The following CBX6 variants were observed in gnomAD, a reference collection of about 807,000 sequenced individuals.
The protein encoded by CBX6 is chromobox 6, also known as chromobox protein homolog 6.
CBX6 carries 7 observed loss-of-function variants against 28.4 expected under a neutral mutation model. The observed-to-expected ratio is 0.25, with a 90% CI of 0.14 to 0.46. The LOEUF (loss-of-function observed/expected upper bound fraction) is 0.46. Ranked by LOEUF, CBX6 falls within the 20% of genes least tolerant of loss-of-function variation. The pLI, the probability that CBX6 is intolerant of heterozygous loss-of-function variation, is 0.99. For missense variants in CBX6, 512 were observed against 606.1 expected (o/e 0.84, Z 1.63); for synonymous variants, 297 against 273.4 (o/e 1.09, Z -0.85).
At chr22:38,869,752 A>T (rs1382520978) in intron 4 of CBX6, 1 of 151,742 alleles carries the variant, frequency 6.6e-6, no homozygotes, top group Non-Finnish European at 1.5e-5. Context: ...AAGCACCTGA[A>T]CTCTACCATG....
Position 38,865,541 on chromosome 22 carries a change from G to A in CBX6, c.*668C>T, listed in dbSNP as rs557028863. ...AGAACTGAAGGGGCCTTTAGATGCG[G>A]GGAGGCTGTGGCCAGGCGCACCCTC... On this transcript the variant is annotated 3_prime_UTR_variant, in exon 5 of 5. Transcript: ENST00000407418. 5.9e-5 allele frequency: 9 copies of A among 153,060 alleles called. No homozygotes were observed. Among genetic ancestry groups the A allele is most frequent in the African/African-American group, 2.2e-4 (9 of 41,602 alleles). 9.5% of individuals were successfully genotyped at this position (153,060 alleles called of 1,614,324 possible). A position where few individuals can be genotyped will look rare whatever the true frequency, so the allele number is the denominator to read the frequency against.
rs74653710 is a variant in CBX6 at position 38,862,738 on chromosome 22, C to T, written c.*3471G>A. ...GGCTGACCCTCCAGCCTTGGGCGGGCCCACCGGCCTGGCTCTCCTCCAGGA... is the reference window on the plus strand; with the variant it reads ...GGCTGACCCTCCAGCCTTGGGCGGGTCCACCGGCCTGGCTCTCCTCCAGGA... On this transcript the variant is annotated 3_prime_UTR_variant, in exon 5 of 5. Coordinates refer to ENST00000407418, the MANE Select transcript of CBX6 (RefSeq NM_014292.5). 4,741 of 152,282 alleles carry T rather than the reference C, an allele frequency of 0.031. 99 individuals carry two copies. The highest frequency in any genetic ancestry group is 0.084 in the East Asian group (434 of 5,148). 9.4% of individuals were successfully genotyped at this position (152,282 alleles called of 1,614,324 possible). A position where few individuals can be genotyped will look rare whatever the true frequency, so the allele number is the denominator to read the frequency against.
In CBX6 at chr22:38,863,858, A is replaced by G. The variant is rs948631238; in HGVS notation, c.*2351T>C. ...GCGGTGGTGGGGACCAGATGGCCCA[A>G]CAACTGGGAAAGGAACAGAAGGGGG... On this transcript the variant is annotated 3_prime_UTR_variant, in exon 5 of 5. Transcript: ENST00000407418. 2 of 152,410 alleles carry G rather than the reference A, an allele frequency of 1.3e-5. No homozygotes were observed. The highest frequency in any genetic ancestry group is 3.9e-4 in the East Asian group (2 of 5,178). The allele number at this position is 152,410 out of a possible 1,614,324, so 9.4% of individuals were successfully genotyped here.
intron 4 of CBX6, 27 bp from the exon 5 acceptor site, chr22:38,867,228 G>T (rs1486789966): frequency 1.4e-4 from 73 of 518,822 alleles, no homozygotes; most frequent in Non-Finnish European, 2.2e-4. Context: ...GGGTGGGTGG[G>T]ACCTCAGGAC....
At position 38,866,684 on chromosome 22, in the gene CBX6, G is replaced by A. The variant is rs1391580875; in HGVS notation, c.764C>T (p.Pro255Leu). The change falls in exon 5 of 5, where the codon CCG becomes CTG. Residue 255 changes from proline to leucine, a missense_variant. Transcript: ENST00000407418. This position sits in a 1 kb window ranked among gnomAD's most constrained non-coding sequence, Gnocchi z 7.5. ...GGCGGCCAGAAGTAGCCCAGGGCCC[G>A]GGGCTGAGGCCTCAGCCTTGCCGGG... ...PSPGKAEASA[P>L]GPGLLLAAPA... is the part of the protein sequence containing the mutation. The A allele has an allele frequency of 2.6e-6, 4 of 1,553,072 alleles. No individual in the cohort carries two copies. Among genetic ancestry groups the A allele is most frequent in the East Asian group, 2.3e-5 (1 of 44,134 alleles).
At position 38,867,134 on chromosome 22, in the gene CBX6, G is replaced by A; in HGVS notation, c.314C>T (p.Ala105Val). 1 of 1,573,720 alleles carries A rather than the reference G, an allele frequency of 6.4e-7. No homozygotes were observed. The highest frequency in any genetic ancestry group is 8.6e-7 in the Non-Finnish European group (1 of 1,162,894). ...VHFSVKPSAS[A>V]SSPKLHSSAA... Reference sequence around the variant, plus strand: ...GCTGGAGTGCAGCTTGGGCGAGGAGGCACTGGCGCTCGGCTTGACAGAGAA... The same window carrying A: ...GCTGGAGTGCAGCTTGGGCGAGGAGACACTGGCGCTCGGCTTGACAGAGAA... The change falls in exon 5 of 5, where the codon GCC becomes GTC. Residue 105 changes from alanine (A) to valine (V), a missense_variant. Transcript: ENST00000407418.
chr22:38,869,347 A>T (rs969983451), intron 4 of CBX6, among the ~76,000 whole-genome samples: 6 of 152,092 alleles, frequency 3.9e-5, no homozygotes, highest in African/African-American at 1.4e-4. Context: ...TGGCTCAGTG[A>T]GTCTCCTTTC....
Position 38,866,899 on chromosome 22 carries a change from C to A in CBX6, c.549G>T (p.Lys183Asn). 1.3e-6 allele frequency: 2 copies of A among 1,598,030 alleles called. No individual in the cohort carries two copies. The highest frequency in any genetic ancestry group is 1.1e-5 in the South Asian group (1 of 89,492). Residue 183 changes from lysine to asparagine, a missense_variant, in exon 5 of 5, where the codon AAG becomes AAT. Physicochemically the swap from Lys to Asn is moderately conservative, Grantham distance 94. Transcript: ENST00000407418. This position sits in a 1 kb window ranked among gnomAD's most constrained non-coding sequence, Gnocchi z 7.5. ...GCCCGGCGCCCCCGCCGCCAGCGCC[C>A]TTGTCGATCACCTTCAGGTTCAGGA... ...RIILNLKVID[K>N]GAGGGGAGQG...
intron 4 of CBX6, among the ~76,000 whole-genome samples, chr22:38,869,183 C>T (rs1413192286): frequency 1.3e-5 from 2 of 152,224 alleles, no homozygotes; most frequent in Non-Finnish European, 2.9e-5. Flanking sequence ...AGGTGCATCC[C>T]CACACTTTCT....
Position 38,871,828 on chromosome 22 carries a change from C to T in CBX6, c.114-71G>A. 1.3e-6 allele frequency: 2 copies of T among 1,575,880 alleles called. No homozygotes were observed. The highest frequency in any genetic ancestry group is 1.2e-5 in the South Asian group (1 of 86,604). ...GACAGGCACGCGGCGAGAGCAAGAGCGCGCACCCCCACCCCAGGCCCCGGT... is the reference window on the plus strand; with the variant it reads ...GACAGGCACGCGGCGAGAGCAAGAGTGCGCACCCCCACCCCAGGCCCCGGT... On this transcript the variant is annotated intron_variant, in intron 2 of 4. Coordinates refer to ENST00000407418, the MANE Select transcript of CBX6 (RefSeq NM_014292.5). This position sits in a 1 kb window ranked among gnomAD's most constrained non-coding sequence, Gnocchi z 5.6.
In CBX6 at chr22:38,871,380, C is replaced by A. The variant is rs933315821; in HGVS notation, c.246+100G>T. The A allele has an allele frequency of 5.5e-6, 7 of 1,273,660 alleles. No individual in the cohort carries two copies. In the African/African-American group the frequency reaches 1.0e-4, roughly 19 times the overall value. The allele number at this position is 1,273,660 out of a possible 1,614,324, so 78.9% of individuals were successfully genotyped here. Reference sequence around the variant, plus strand: ...TGGGGCCCCTCTGAAAAGGCCGGCCCGCTTGGGCGGCCGCGTATCTGTCCC... The same window carrying A: ...TGGGGCCCCTCTGAAAAGGCCGGCCAGCTTGGGCGGCCGCGTATCTGTCCC... On this transcript the variant is annotated intron_variant, in intron 4 of 4. Transcript: ENST00000407418. The surrounding 1 kb of genome is among the most constrained non-coding windows in gnomAD (Gnocchi z 5.6).
Position 38,872,133 on chromosome 22 carries a change from G to C in CBX6, c.58C>G (p.Arg20Gly). The change falls in exon 1 of 5, where the codon CGG becomes GGG. Residue 20 changes from arginine to glycine, a missense_variant. By Grantham distance (125) the Arg-to-Gly change is moderately radical. Transcript: ENST00000407418. The surrounding 1 kb of genome is among the most constrained non-coding windows in gnomAD (Gnocchi z 5.0). ...VFAAESIIKR[R>G]IRKGRIEYLV... The stretch of plus-strand genomic sequence containing the variant: ...GGGCGGCGGCTCACCTTTCGGATCC[G>C]CCGTTTGATGATGGATTCGGCCGCG... The C allele has an allele frequency of 7.0e-7, 1 of 1,423,028 alleles. No homozygotes were observed. The highest frequency in any genetic ancestry group is 9.3e-7 in the Non-Finnish European group (1 of 1,073,470). The allele number at this position is 1,423,028 out of a possible 1,614,324, so 88.2% of individuals were successfully genotyped here. A position where few individuals can be genotyped will look rare whatever the true frequency, so the allele number is the denominator to read the frequency against.
In CBX6 at chr22:38,871,673, A is replaced by G; in HGVS notation, c.179+19T>C. ...GAGCCTCGGCCTCGCAGCCCCTGCC[A>G]GCTTCCCCAACAACTCACTTTTGTT... On this transcript the variant is annotated intron_variant, in intron 3 of 4. Transcript: ENST00000407418. This position sits in a 1 kb window ranked among gnomAD's most constrained non-coding sequence, Gnocchi z 5.6. 1.2e-6 allele frequency: 2 copies of G among 1,613,132 alleles called. No homozygotes were observed. The highest frequency in any genetic ancestry group is 8.5e-7 in the Non-Finnish European group (1 of 1,179,576).
intron 4 of CBX6, among the ~76,000 whole-genome samples, chr22:38,867,861 C>G (rs576969559): frequency 1.3e-5 from 2 of 152,380 alleles, no homozygotes; most frequent in Admixed American, 1.3e-4. Context: ...GAACTGGTAC[C>G]AATGCATCCC....
intron 4 of CBX6, 39 bp from the exon 5 acceptor site, chr22:38,867,240 G>T (rs1453315952): frequency 1.3e-6 from 2 of 1,511,174 alleles, no homozygotes; most frequent in Admixed American, 2.0e-5. Context: ...CCTCAGGACT[G>T]CCCGCTGACC....
rs914686552 is a variant in CBX6, at chr22:38,862,838, C to A, written c.*3371G>T. 9 of 152,242 alleles carry A rather than the reference C, an allele frequency of 5.9e-5. No homozygotes were observed. Among genetic ancestry groups the A allele is most frequent in the Non-Finnish European group, 1.0e-4 (7 of 68,058 alleles). The allele number at this position is 152,242 out of a possible 1,614,324, so 9.4% of individuals were successfully genotyped here. A position where few individuals can be genotyped will look rare whatever the true frequency, so the allele number is the denominator to read the frequency against. Reference sequence around the variant, plus strand: ...GGGCCCTGCCTTTTAAAGGGCTTTTCCCCATAGGCCAAAGCATCCTGGGCC... The same window carrying A: ...GGGCCCTGCCTTTTAAAGGGCTTTTACCCATAGGCCAAAGCATCCTGGGCC... On this transcript the variant is annotated 3_prime_UTR_variant, in exon 5 of 5. Coordinates refer to ENST00000407418, the MANE Select transcript of CBX6 (RefSeq NM_014292.5).
Position 38,866,628 on chromosome 22 carries a change from C to G in CBX6, c.820G>C (p.Gly274Arg). 1 of 1,496,080 alleles carries G rather than the reference C, an allele frequency of 6.7e-7. No homozygotes were observed. Among genetic ancestry groups the G allele is most frequent in the Non-Finnish European group, 8.9e-7 (1 of 1,126,592 alleles). 92.7% of individuals were successfully genotyped at this position (1,496,080 alleles called of 1,614,324 possible). A position where few individuals can be genotyped will look rare whatever the true frequency, so the allele number is the denominator to read the frequency against. Residue 274 changes from glycine (G) to arginine (R), a missense_variant, in exon 5 of 5, where the codon GGC (glycine) becomes CGC (arginine). This residue lies in a region of CBX6 where 290 missense variants were observed against 274.1 expected (regional missense o/e 1.06). Transcript: ENST00000407418. This position sits in a 1 kb window ranked among gnomAD's most constrained non-coding sequence, Gnocchi z 7.5. ...PAAPYDARSSGSSGCPSPTPQ... is the reference protein window; with the variant it reads ...PAAPYDARSSRSSGCPSPTPQ... ...GTAGGCGAGGGGCAGCCGGAGGAGC[C>G]AGAGCTGCGGGCGTCGTAGGGGGCG...
Position 38,866,371 on chromosome 22 carries a change from G to A in CBX6, c.1077C>T (p.Arg359=). Residue 359 remains arginine (R), a synonymous_variant, in exon 5 of 5, where the codon CGC becomes CGT. Transcript: ENST00000407418. This position sits in a 1 kb window ranked among gnomAD's most constrained non-coding sequence, Gnocchi z 7.5. Reference sequence around the variant, plus strand: ...CATTGGAGCAGGGTGACATCTCGGGGCGCCAGTCCCCAGCCTCGGGCTCGG... The same window carrying A: ...CATTGGAGCAGGGTGACATCTCGGGACGCCAGTCCCCAGCCTCGGGCTCGG... ...ASSEPEAGDW[R]PEMSPCSNVV... The A allele has an allele frequency of 6.2e-7, 1 of 1,613,670 alleles. No individual in the cohort carries two copies. Among genetic ancestry groups the A allele is most frequent in the Non-Finnish European group, 8.5e-7 (1 of 1,179,954 alleles).
chr22:38,869,425 C>G (rs774725503), intron 4 of CBX6: 5 of 152,134 alleles, frequency 3.3e-5, no homozygotes, highest in Admixed American at 6.5e-5. Flanking sequence ...TACATGGCAC[C>G]TGCTCAGCAC....
Sources: allele counts gnomAD v4.1 joint callset (sites outside exome capture counted in the v4.1 genomes callset), GRCh38; gene constraint gnomAD v4.1.1; regional missense constraint gnomAD v4.1.1; non-coding constraint Gnocchi (gnomAD v3.1); transcripts MANE v1.5; gene names NCBI Gene and HGNC (gene_info 2026-07-23, HGNC 2026-07-21).